TAFA1: variants seen among roughly 807,000 people sequenced by gnomAD.
TAFA1 encodes the protein TAFA chemokine like family member 1, also known as chemokine-like protein TAFA-1.
In TAFA1, 4 loss-of-function variants were observed where a neutral mutation model predicts 18.5. The ratio of observed to expected loss-of-function variants is 0.22; its 90% CI spans 0.11 to 0.49. The LOEUF (loss-of-function observed/expected upper bound fraction) is 0.49, where lower values mean the gene tolerates loss of function less well. TAFA1 is among the 20% of genes least tolerant of loss of function. The probability of loss-of-function intolerance (pLI) is 0.98; values close to 1 mark genes in which losing one functional copy is unlikely to be tolerated. For synonymous variants in TAFA1, 56 were observed against 55.2 expected (o/e 1.01, Z -0.06); for missense variants, 147 against 169.0 (o/e 0.87, Z 0.72).
rs563987083 is a variant in TAFA1, at chr3:68,213,184, T to C, written c.119-204096T>C. Among the ~76,000 whole-genome samples the C allele has an allele frequency of 2.4e-4, 36 of 152,140 alleles. No individual in the cohort carries two copies. The South Asian group carries it at 3.5e-3, about 15-fold the overall frequency. On this transcript the variant is annotated intron_variant, in intron 2 of 4. Transcript: ENST00000478136. ...TAAAAAAGAAACCAACTCCAGCTAA[T>C]GTAAGTGGAAACTGAATTTATTGGA...
intron 2 of TAFA1, among the ~76,000 whole-genome samples, chr3:68,202,500 CTCCTT>C (rs1347357559): frequency 6.6e-6 from 1 of 151,686 alleles, no homozygotes; most frequent in Non-Finnish European, 1.5e-5. Context: ...TCAATTCTCT[CTCCTT>C]TCTTTAGCAC....
At chr3:68,520,442 G>A (rs886180225) in intron 3 of TAFA1, among the ~76,000 whole-genome samples, 4 of 152,040 alleles carry the variant, frequency 2.6e-5, no homozygotes, top group African/African-American at 9.7e-5. Flanking sequence ...AGCAAGCCTC[G>A]AAAAATACTT....
At chr3:68,189,438 C>G (rs1320572528) in intron 2 of TAFA1, among the ~76,000 whole-genome samples, 1 of 151,810 alleles carries the variant, frequency 6.6e-6, no homozygotes, top group Non-Finnish European at 1.5e-5. Flanking sequence ...AATGTCAGCT[C>G]TGGGGTTGGC....
At chr3:68,323,529 C>T (rs1317334711) in intron 2 of TAFA1, among the ~76,000 whole-genome samples, 5 of 152,156 alleles carry the variant, frequency 3.3e-5, no homozygotes, top group African/African-American at 7.2e-5. Context: ...AGGTTTTGAA[C>T]GGACTGTCCT....
At chr3:68,252,374 A>G (rs2067213296) in intron 2 of TAFA1, among the ~76,000 whole-genome samples, 1 of 152,212 alleles carries the variant, frequency 6.6e-6, no homozygotes, top group African/African-American at 2.4e-5. Flanking sequence ...GGTCACCTTC[A>G]GACTATATTT....
intron 2 of TAFA1, among the ~76,000 whole-genome samples, chr3:68,141,542 A>T (rs753962889): frequency 2.0e-5 from 3 of 152,282 alleles, no homozygotes; most frequent in Non-Finnish European, 2.9e-5. Flanking sequence ...TTCTGGTGGG[A>T]TGCCCACTGC....
Position 68,004,324 on chromosome 3 carries a change from G to A in TAFA1, c.-382G>A, listed in dbSNP as rs906681245. The stretch of plus-strand genomic sequence containing the variant: ...GCCTTACTCTGCCCCGAATGCACTG[G>A]AGTGGGGATGGTCCATCGGCAACTA... On this transcript the variant is annotated 5_prime_UTR_variant, in exon 1 of 5. The change creates a premature stop within an existing upstream ORF in the 5' untranslated region. Transcript: ENST00000478136. The A allele has an allele frequency of 3.3e-5, 5 of 152,184 alleles. No homozygotes were observed. The highest frequency in any genetic ancestry group is 7.2e-5 in the African/African-American group (3 of 41,428). The allele number at this position is 152,184 out of a possible 1,614,324, so 9.4% of individuals were successfully genotyped here. A position where few individuals can be genotyped will look rare whatever the true frequency, so the allele number is the denominator to read the frequency against.
At chr3:68,432,524 C>A (rs1033604667) in intron 3 of TAFA1, among the ~76,000 whole-genome samples, 13 of 151,948 alleles carry the variant, frequency 8.6e-5, no homozygotes, top group African/African-American at 1.4e-4. Flanking sequence ...TGCTTGTGCA[C>A]CTTTTCCTCA....
intron 2 of TAFA1, among the ~76,000 whole-genome samples, chr3:68,360,508 C>A (rs2069449756): frequency 1.3e-5 from 2 of 151,862 alleles, no homozygotes; most frequent in Admixed American, 1.3e-4. Context: ...AGGAAAAGGG[C>A]ACAAAGTAGA....
At chr3:68,353,164 C>T (rs776357152) in intron 2 of TAFA1, among the ~76,000 whole-genome samples, 1 of 152,000 alleles carries the variant, frequency 6.6e-6, no homozygotes, top group Non-Finnish European at 1.5e-5. Flanking sequence ...CATTTTATCC[C>T]CAACTCTGAT....
intron 3 of TAFA1, among the ~76,000 whole-genome samples, chr3:68,490,408 AT>A (rs2072429581): frequency 6.6e-6 from 1 of 152,144 alleles, no homozygotes; most frequent in South Asian, 2.1e-4. Context: ...CGAAAGAAAA[AT>A]ATCCATGATT....
At position 68,062,104 on chromosome 3, in the gene TAFA1, T is replaced by C. The variant is rs555242566; in HGVS notation, c.118+55360T>C. On this transcript the variant is annotated intron_variant, in intron 2 of 4. Transcript: ENST00000478136. Reference sequence around the variant, plus strand: ...TACATTTCTAACAGCCAAAACCTCTTAGTGACTATCACTTATTTTTTTCTT... The same window carrying C: ...TACATTTCTAACAGCCAAAACCTCTCAGTGACTATCACTTATTTTTTTCTT... Among the ~76,000 whole-genome samples the C allele has an allele frequency of 3.3e-5, 5 of 152,318 alleles. No homozygotes were observed. In the South Asian group the frequency reaches 1.0e-3, roughly 32 times the overall value.
intron 3 of TAFA1, among the ~76,000 whole-genome samples, chr3:68,443,032 G>A (rs1261374543): frequency 6.6e-6 from 1 of 152,058 alleles, no homozygotes; most frequent in African/African-American, 2.4e-5. Flanking sequence ...CTGTATCGTG[G>A]CTCTGTTATA....
At chr3:68,478,906 G>A (rs2036811) in intron 3 of TAFA1, among the ~76,000 whole-genome samples, 12,439 of 90,922 alleles carry the variant, frequency 0.14, 1,320 homozygotes, top group African/African-American at 0.34. Flanking sequence ...TTTTTATGTC[G>A]TATATGTGTG....
Position 68,527,811 on chromosome 3 carries a change from A to G in TAFA1, c.260-10945A>G, listed in dbSNP as rs1028348870. Among the ~76,000 whole-genome samples the G allele has an allele frequency of 2.0e-5, 3 of 151,940 alleles. No homozygotes were observed. In the East Asian group the frequency reaches 5.8e-4, roughly 29 times the overall value. ...AACTTTTGTCTCAAATACCTTTAAA[A>G]AAAATCTACCGACTGAAGGAAATTA... On this transcript the variant is annotated intron_variant, in intron 3 of 4. Coordinates refer to ENST00000478136, the MANE Select transcript of TAFA1 (RefSeq NM_213609.4).
Position 68,271,815 on chromosome 3 carries a change from A to ATC in TAFA1, c.119-145444_119-145443dup, listed in dbSNP as rs140600575. 7.3e-3 allele frequency among the ~76,000 whole-genome samples: 1,070 copies of ATC among 147,376 alleles called. 15 individuals carry two copies. The highest frequency in any genetic ancestry group is 0.023 in the African/African-American group (920 of 40,206). Reference sequence around the variant, plus strand: ...CCCTGTCTCTTTTGCCTCTTTGTCTATCTCTCTCTCTCTCTCTCTCTCACA... The same window carrying ATC: ...CCCTGTCTCTTTTGCCTCTTTGTCTATCTCTCTCTCTCTCTCTCTCTCTCACA... On this transcript the variant is annotated intron_variant, in intron 2 of 4. Coordinates refer to ENST00000478136, the MANE Select transcript of TAFA1 (RefSeq NM_213609.4).
intron 2 of TAFA1, among the ~76,000 whole-genome samples, chr3:68,042,409 G>T (rs1051077017): frequency 6.6e-6 from 1 of 152,156 alleles, no homozygotes; most frequent in Non-Finnish European, 1.5e-5. Context: ...CAGCACGTTG[G>T]GAGGCCAAGG....
At chr3:68,115,288 G>A (rs1357932901) in intron 2 of TAFA1, among the ~76,000 whole-genome samples, 1 of 152,194 alleles carries the variant, frequency 6.6e-6, no homozygotes, top group Non-Finnish European at 1.5e-5. Context: ...TAAAGAGAGA[G>A]AGGCATCATG....
intron 2 of TAFA1, among the ~76,000 whole-genome samples, chr3:68,095,463 T>C (rs2065077551): frequency 6.6e-6 from 1 of 152,164 alleles, no homozygotes; most frequent in Non-Finnish European, 1.5e-5. Flanking sequence ...TGTAATAGGT[T>C]TAATGTCTTA....
Sources: gnomAD v4.1 joint callset for allele counts (sites outside exome capture counted in the v4.1 genomes callset) on GRCh38, gnomAD v4.1.1 for gene constraint, MANE v1.5 for transcripts, NCBI Gene and HGNC (gene_info 2026-07-23, HGNC 2026-07-21) for gene names.